Variants in INTS3 observed in about 807,000 individuals in gnomAD.
INTS3 encodes the protein integrator complex subunit 3.
Under a neutral mutation model 146.3 loss-of-function variants are expected in INTS3, and 34 were observed. The ratio of observed to expected loss-of-function variants is 0.23; its 90% CI spans 0.18 to 0.31. The LOEUF is 0.31. Ranked by LOEUF, INTS3 falls within the 10% of genes least tolerant of loss-of-function variation. The pLI, the probability that INTS3 is intolerant of heterozygous loss-of-function variation, is 1.00. For synonymous variants in INTS3, 475 were observed against 494.9 expected, an observed-to-expected ratio of 0.96 and a Z score of 0.53; for missense variants, 757 against 1,304.2, an observed-to-expected ratio of 0.58 and a Z score of 6.46.
intron 1 of INTS3, among the ~76,000 whole-genome samples, chr1:153,734,032 C>A (rs558707938): frequency 6.6e-6 from 1 of 152,282 alleles, no homozygotes; most frequent in African/African-American, 2.4e-5. Flanking sequence ...CCTTCCCCCC[C>A]TTTCTCCCCC....
rs995386086 is a variant in INTS3, at chr1:153,764,834, G to C, written c.1970+100G>C. 8.4e-6 allele frequency: 13 copies of C among 1,538,956 alleles called. No individual in the cohort carries two copies. The Admixed American group carries it at 1.8e-4, about 22-fold the overall frequency. On this transcript the variant is annotated intron_variant, in intron 19 of 29. Coordinates refer to ENST00000318967, the MANE Select transcript of INTS3 (RefSeq NM_023015.5). ...GGGGTAATGGGACTCGCTTTCCAGG[G>C]AGGAGGACATATGCTGTGGGCACAG...
chr1:153,771,243 C>T (rs915559966), intron 25 of INTS3, among the ~76,000 whole-genome samples: 1 of 152,202 alleles, frequency 6.6e-6, no homozygotes, highest in African/African-American at 2.4e-5. Context: ...CAACATCCCC[C>T]GATAAATGGG....
intron 9 of INTS3, among the ~76,000 whole-genome samples, chr1:153,755,526 C>T (rs908088405): frequency 6.6e-6 from 1 of 152,118 alleles, no homozygotes. Flanking sequence ...TCCCAAAGTG[C>T]TGGGATTACA....
At chr1:153,747,105 A>C (rs1671778034) in intron 4 of INTS3, 35 bp downstream of exon 4, 1 of 1,475,452 alleles carries the variant, frequency 6.8e-7, no homozygotes, top group African/African-American at 1.4e-5. Context: ...ATCCAGCTCA[A>C]AGAGAGAGGA....
In INTS3 at chr1:153,728,352, C is replaced by A; in HGVS notation, c.-283C>A. On this transcript the variant is annotated 5_prime_UTR_variant, in exon 1 of 30. Transcript: ENST00000318967. ...CTTCAGGGGCGGAAGCCTCTCCTAC[C>A]CTTCCCATAGGGACACAGGCCTTTA... is the stretch of plus-strand genomic sequence containing the variant. The A allele has an allele frequency of 2.4e-6, 1 of 417,176 alleles. No homozygotes were observed. Among genetic ancestry groups the A allele is most frequent in the Non-Finnish European group, 4.2e-6 (1 of 236,902 alleles). 25.8% of individuals were successfully genotyped at this position (417,176 alleles called of 1,614,324 possible). A position where few individuals can be genotyped will look rare whatever the true frequency, so the allele number is the denominator to read the frequency against.
Position 153,767,704 on chromosome 1 carries a change from C to T in INTS3, c.2121C>T (p.Tyr707=), listed in dbSNP as rs144005295. The T allele has an allele frequency of 8.9e-5, 144 of 1,609,882 alleles. No homozygotes were observed. The highest frequency in any genetic ancestry group is 1.2e-4 in the Non-Finnish European group (137 of 1,177,572). The part of the protein sequence containing the change: ...SKAAAGKMNL[Y]ESFAQATQLG... ...CCGCCGCAGGGAAGATGAACCTGTA[C>T]GAGTCATTTGCCCAGGCTACCCAGC... Residue 707 remains tyrosine, a synonymous_variant, in exon 21 of 30, where the codon TAC becomes TAT. Coordinates refer to ENST00000318967, the MANE Select transcript of INTS3 (RefSeq NM_023015.5).
chr1:153,746,108 G>C (rs183494974), intron 3 of INTS3, among the ~76,000 whole-genome samples: 44 of 152,244 alleles, frequency 2.9e-4, no homozygotes, highest in Non-Finnish European at 5.1e-4. Context: ...TATCAGTTTT[G>C]GTTCTGTCCT....
At chr1:153,743,438 G>C (rs959363764) in intron 3 of INTS3, among the ~76,000 whole-genome samples, 1 of 152,190 alleles carries the variant, frequency 6.6e-6, no homozygotes, top group East Asian at 1.9e-4. Context: ...AGGAGCCTCT[G>C]TTAGTACTGG....
chr1:153,771,293 TC>T (rs1441951187), intron 25 of INTS3, among the ~76,000 whole-genome samples: 1 of 152,206 alleles, frequency 6.6e-6, no homozygotes, highest in Non-Finnish European at 1.5e-5. Context: ...CTTTCTGCCT[TC>T]CTTCCACCCT....
chr1:153,760,618 A>G, intron 12 of INTS3: 1 of 624,598 alleles, frequency 1.6e-6, no homozygotes, highest in African/African-American at 1.8e-5. Flanking sequence ...TGGTGACTCA[A>G]GGTAGAATCT....
In INTS3 at chr1:153,764,145, G is replaced by A; in HGVS notation, c.1849G>A (p.Val617Ile). ...EEDFDSEQLS[V>I]LASCLQELFK... ...AGACTTTGACTCGGAGCAGCTGTCTGTCCTTGCTTCCTGCCTACAGGAGCT... is the reference window on the plus strand; with the variant it reads ...AGACTTTGACTCGGAGCAGCTGTCTATCCTTGCTTCCTGCCTACAGGAGCT... The change falls in exon 18 of 30, where the codon GTC becomes ATC. Residue 617 changes from valine (V) to isoleucine (I), a missense_variant. Coordinates refer to ENST00000318967, the MANE Select transcript of INTS3 (RefSeq NM_023015.5). The A allele has an allele frequency of 1.9e-6, 3 of 1,614,062 alleles. No individual in the cohort carries two copies. The highest frequency in any genetic ancestry group is 2.5e-6 in the Non-Finnish European group (3 of 1,179,962).
intron 20 of INTS3, 59 bp downstream of exon 20, chr1:153,765,122 C>A: frequency 6.3e-7 from 1 of 1,590,132 alleles, no homozygotes; most frequent in Non-Finnish European, 8.6e-7. Flanking sequence ...AGCCTCTCTT[C>A]CACACGCTGA....
intron 21 of INTS3, among the ~76,000 whole-genome samples, chr1:153,768,619 T>A (rs565278172): frequency 6.6e-6 from 1 of 152,280 alleles, no homozygotes; most frequent in East Asian, 1.9e-4. Flanking sequence ...CTCTAGTAGT[T>A]CCCCATTCCT....
chr1:153,740,382 G>A (rs1045823105), intron 1 of INTS3, among the ~76,000 whole-genome samples: 2 of 152,188 alleles, frequency 1.3e-5, no homozygotes, highest in Admixed American at 6.5e-5. Context: ...TTAGAGGCAT[G>A]AGCCACCACG....
chr1:153,771,219 G>A (rs766323578), intron 25 of INTS3, among the ~76,000 whole-genome samples: 37 of 152,304 alleles, frequency 2.4e-4, no homozygotes, highest in East Asian at 5.8e-4. Context: ...CCCTCTTCCC[G>A]CAAAGCCCTT....
In INTS3 at chr1:153,772,899, A is replaced by T. The variant is rs771062691; in HGVS notation, c.2895-26A>T. 2 of 1,613,750 alleles carry T rather than the reference A, an allele frequency of 1.2e-6. No individual in the cohort carries two copies. The highest frequency in any genetic ancestry group is 2.2e-5 in the South Asian group (2 of 91,080). ...CCGTAGGAGCAGCAGGCTCCCACTC[A>T]AAGAGCTACCGCTCCTTTTCCTTAG... On this transcript the variant is annotated intron_variant, in intron 28 of 29. Coordinates refer to ENST00000318967, the MANE Select transcript of INTS3 (RefSeq NM_023015.5). This position sits in a 1 kb window ranked among gnomAD's most constrained non-coding sequence, Gnocchi z 4.6.
At chr1:153,766,021 G>C (rs192319405) in intron 20 of INTS3, among the ~76,000 whole-genome samples, 265 of 151,412 alleles carry the variant, frequency 1.8e-3, no homozygotes, top group African/African-American at 6.1e-3. Flanking sequence ...GGCAACCACT[G>C]ATCTGCTTTC....
chr1:153,734,260 C>T (rs913397865), intron 1 of INTS3, among the ~76,000 whole-genome samples: 20 of 152,140 alleles, frequency 1.3e-4, no homozygotes, highest in African/African-American at 3.6e-4. Flanking sequence ...AGGGGAAAAG[C>T]GTTGCTATTA....
At chr1:153,770,841 G>T (rs4345834) in intron 25 of INTS3, 108 bp downstream of exon 25, 5 of 850,376 alleles carry the variant, frequency 5.9e-6, no homozygotes, top group Non-Finnish European at 9.8e-6. Context: ...TTTTCCTGTC[G>T]TTAACATCTG....
Sources: allele counts gnomAD v4.1 joint callset (sites outside exome capture counted in the v4.1 genomes callset), GRCh38; gene constraint gnomAD v4.1.1; non-coding constraint Gnocchi (gnomAD v3.1); transcripts MANE v1.5; gene names NCBI Gene and HGNC (gene_info 2026-07-23, HGNC 2026-07-21).